The following KAZALD1 variants were observed in gnomAD, a reference collection of about 807,000 sequenced individuals.
KAZALD1 encodes the protein kazal-type serine protease inhibitor domain-containing protein 1.
Under a neutral mutation model 27.7 loss-of-function variants are expected in KAZALD1, and 31 were observed. The ratio of observed to expected loss-of-function variants is 1.12; its 90% confidence interval spans 0.84 to 1.51. The LOEUF (loss-of-function observed/expected upper bound fraction) is 1.51. Among genes scored for constraint, KAZALD1 ranks in the 40% most tolerant of loss-of-function variants. The pLI is 0.00. For missense variants in KAZALD1, 444 were observed against 408.9 expected (o/e 1.09, Z -0.74); for synonymous variants, 179 against 182.0 (o/e 0.98, Z 0.13).
chr10:101,062,080 C>T lies in KAZALD1; in HGVS notation c.-87C>T, dbSNP rs1939168619. ...ATAACCTTTTCTTTCGGACTCGAATCACGGCTGCTGCGAAGGGTCTAGTTC... is the reference window on the plus strand; with the variant it reads ...ATAACCTTTTCTTTCGGACTCGAATTACGGCTGCTGCGAAGGGTCTAGTTC... On this transcript the variant is annotated 5_prime_UTR_variant, in exon 1 of 5. Coordinates refer to ENST00000370200, the MANE Select transcript of KAZALD1 (RefSeq NM_030929.5). 1 of 157,018 alleles carries T rather than the reference C, an allele frequency of 6.4e-6. No homozygotes were observed. The highest frequency in any genetic ancestry group is 6.5e-5 in the Admixed American group (1 of 15,424). 9.7% of individuals were successfully genotyped at this position (157,018 alleles called of 1,614,324 possible).
At position 101,065,620 on chromosome 10, in the gene KAZALD1, CTG is replaced by C. The variant is rs1430056318; in HGVS notation, c.*701_*702del. 1 of 152,376 alleles carries C rather than the reference CTG, an allele frequency of 6.6e-6. No homozygotes were observed. The highest frequency in any genetic ancestry group is 1.5e-5 in the Non-Finnish European group (1 of 68,206). The allele number at this position is 152,376 out of a possible 1,614,324, so 9.4% of individuals were successfully genotyped here. ...GTTTATGCAGATGTGCACATGAAAA[CTG>C]AATATCCCTGGGAGGCCTCCCACAC... On this transcript the variant is annotated 3_prime_UTR_variant, in exon 5 of 5. Coordinates refer to ENST00000370200, the MANE Select transcript of KAZALD1 (RefSeq NM_030929.5).
chr10:101,064,536 C>T lies in KAZALD1; in HGVS notation c.708C>T (p.Gly236=). The T allele has an allele frequency of 6.2e-7, 1 of 1,614,188 alleles. No individual in the cohort carries two copies. The highest frequency in any genetic ancestry group is 8.5e-7 in the Non-Finnish European group (1 of 1,180,032). The change falls in exon 4 of 5, where the codon GGC becomes GGT. Residue 236 remains glycine (G), a synonymous_variant. Transcript: ENST00000370200. ...GACCCCAGAGGTTTGAGGTGACTGG[C>T]TGGCTGCAGATCCAGGCTGTGCGTC... ...RGGPQRFEVT[G]WLQIQAVRPS...
chr10:101,063,675 C>T (rs187789242), intron 2 of KAZALD1, among the ~76,000 whole-genome samples: 89 of 152,352 alleles, frequency 5.8e-4, no homozygotes, highest in Non-Finnish European at 1.0e-3. Context: ...CCGGGCTCTG[C>T]GTCTGGCTCG....
Position 101,062,566 on chromosome 10 carries a change from G to T in KAZALD1, c.-27G>T, listed in dbSNP as rs764587510. On this transcript the variant is annotated 5_prime_UTR_variant, in exon 2 of 5. Transcript: ENST00000370200. Reference sequence around the variant, plus strand: ...GGGTGCCCGAACGCGCTGATGCCCCGAGTGCTCGCAGGGCTTCCCGCTAAC... The same window carrying T: ...GGGTGCCCGAACGCGCTGATGCCCCTAGTGCTCGCAGGGCTTCCCGCTAAC... The T allele has an allele frequency of 1.3e-6, 2 of 1,576,524 alleles. No homozygotes were observed. Among genetic ancestry groups the T allele is most frequent in the South Asian group, 1.1e-5 (1 of 88,746 alleles).
chr10:101,067,052 A>C lies in KAZALD1; in HGVS notation c.*2132A>C. 2.9e-6 allele frequency: 1 copy of C among 340,976 alleles called. No homozygotes were observed. The highest frequency in any genetic ancestry group is 5.8e-6 in the Non-Finnish European group (1 of 171,184). The allele number at this position is 340,976 out of a possible 1,614,324, so 21.1% of individuals were successfully genotyped here. A position where few individuals can be genotyped will look rare whatever the true frequency, so the allele number is the denominator to read the frequency against. Reference sequence around the variant, plus strand: ...GGAAAGGTTTAATAAACGTGCTGAGATGCCGAGGATTATTCACCGCAAATA... The same window carrying C: ...GGAAAGGTTTAATAAACGTGCTGAGCTGCCGAGGATTATTCACCGCAAATA... On this transcript the variant is annotated 3_prime_UTR_variant, in exon 5 of 5. Coordinates refer to ENST00000370200, the MANE Select transcript of KAZALD1 (RefSeq NM_030929.5).
At chr10:101,067,451 G>A (rs1939353268), downstream of KAZALD1, 3 of 380,586 alleles carry the variant, frequency 7.9e-6, no homozygotes, top group South Asian at 1.9e-5. Flanking sequence ...AGGGTCCGTC[G>A]GACCAGCTCC....
rs1041945389 is a variant in KAZALD1, at chr10:101,066,213, C to T, written c.*1293C>T. ...GTGTGTAGATGGCGACAGCCTCCTA[C>T]ACGCCAGGGCTCCACCCGGATCCTG... On this transcript the variant is annotated 3_prime_UTR_variant, in exon 5 of 5. Transcript: ENST00000370200. 5.9e-6 allele frequency: 2 copies of T among 337,088 alleles called. No homozygotes were observed. Among genetic ancestry groups the T allele is most frequent in the Admixed American group, 3.9e-5 (1 of 25,356 alleles). The allele number at this position is 337,088 out of a possible 1,614,324, so 20.9% of individuals were successfully genotyped here. A position where few individuals can be genotyped will look rare whatever the true frequency, so the allele number is the denominator to read the frequency against.
Position 101,064,253 on chromosome 10 carries a change from A to G in KAZALD1, c.512-8A>G, listed in dbSNP as rs769247812. 8 of 1,613,770 alleles carry G rather than the reference A, an allele frequency of 5.0e-6. No homozygotes were observed. The highest frequency in any genetic ancestry group is 6.8e-6 in the Non-Finnish European group (8 of 1,179,878). On this transcript the variant is annotated splice_region_variant and splice_polypyrimidine_tract_variant and intron_variant, in intron 2 of 4. Coordinates refer to ENST00000370200, the MANE Select transcript of KAZALD1 (RefSeq NM_030929.5). The stretch of plus-strand genomic sequence containing the variant: ...TGCTATTCTCAGACCTCCCGCCTTC[A>G]CCCCCAGGGCCCCAGATCGTGTCAC...
At position 101,065,142 on chromosome 10, in the gene KAZALD1, G is replaced by A; in HGVS notation, c.*222G>A. On this transcript the variant is annotated 3_prime_UTR_variant, in exon 5 of 5. Transcript: ENST00000370200. Reference sequence around the variant, plus strand: ...AGAAGCTGAGACCAGGACCGGTGGGGTACAAAGGGGCCCATGCAGGAGATG... The same window carrying A: ...AGAAGCTGAGACCAGGACCGGTGGGATACAAAGGGGCCCATGCAGGAGATG... 1.8e-6 allele frequency: 1 copy of A among 541,666 alleles called. No individual in the cohort carries two copies. The highest frequency in any genetic ancestry group is 3.2e-5 in the East Asian group (1 of 31,552). The allele number at this position is 541,666 out of a possible 1,614,324, so 33.6% of individuals were successfully genotyped here. A position where few individuals can be genotyped will look rare whatever the true frequency, so the allele number is the denominator to read the frequency against.
In KAZALD1 at chr10:101,062,694, A is replaced by G; in HGVS notation, c.102A>G (p.Pro34=). The change falls in exon 2 of 5, where the codon CCA becomes CCG. Residue 34 remains proline (P), a synonymous_variant. Transcript: ENST00000370200. The part of the protein sequence containing the change: ...TPPPTGARPS[P]GPDYLRRGWM... ...CCCCGACCGGCGCAAGGCCATCCCC[A>G]GGCCCAGATTACCTGCGGCGCGGCT... The G allele has an allele frequency of 6.5e-7, 1 of 1,537,394 alleles. No homozygotes were observed. The highest frequency in any genetic ancestry group is 8.7e-7 in the Non-Finnish European group (1 of 1,150,096).
Position 101,063,115 on chromosome 10 carries a change from C to T in KAZALD1, c.511+12C>T, listed in dbSNP as rs1402670523. 1 of 1,524,308 alleles carries T rather than the reference C, an allele frequency of 6.6e-7. No individual in the cohort carries two copies. The highest frequency in any genetic ancestry group is 8.8e-7 in the Non-Finnish European group (1 of 1,139,248). The allele number at this position is 1,524,308 out of a possible 1,614,324, so 94.4% of individuals were successfully genotyped here. A position where few individuals can be genotyped will look rare whatever the true frequency, so the allele number is the denominator to read the frequency against. On this transcript the variant is annotated intron_variant, in intron 2 of 4. Transcript: ENST00000370200. The stretch of plus-strand genomic sequence containing the variant: ...GCCCTGCGAATCGGGTACGCATGGC[C>T]CGGGGCCCCCACCCCAGCACTTAGG...
chr10:101,067,855 G>T (rs1201377132), downstream of KAZALD1: 1 of 466,602 alleles, frequency 2.1e-6, no homozygotes, highest in Non-Finnish European at 4.5e-6. Flanking sequence ...GGCCAAGACT[G>T]CAGACCTTGG....
rs1329805519 is a variant in KAZALD1, at chr10:101,064,394, A to G, written c.645A>G (p.Pro215=). 3 of 1,614,070 alleles carry G rather than the reference A, an allele frequency of 1.9e-6. No homozygotes were observed. Among genetic ancestry groups the G allele is most frequent in the African/African-American group, 1.3e-5 (1 of 74,934 alleles). Residue 215 remains proline (P), a synonymous_variant, in exon 3 of 5, where the codon CCA becomes CCG. Coordinates refer to ENST00000370200, the MANE Select transcript of KAZALD1 (RefSeq NM_030929.5). The part of the protein sequence containing the change: ...WRKDGLDIQL[P]GDDPHISVQF... ...AGGATGGCTTGGACATCCAGCTGCC[A>G]GGGGATGACCCCCACATCTCTGTGC...
Position 101,063,092 on chromosome 10 carries a change from CCTGCG to C in KAZALD1, c.501_505del (p.Cys168IlefsTer11). ...AACCTCACTGTGGCACACCCGGGGC[CCTGCG>C]AATCGGGTACGCATGGCCCGGGGCC... is the stretch of plus-strand genomic sequence containing the variant. On this transcript the variant is annotated frameshift_variant, in exon 2 of 5. Coordinates refer to ENST00000370200, the MANE Select transcript of KAZALD1 (RefSeq NM_030929.5). LOFTEE classifies it high-confidence loss of function. 1.3e-6 allele frequency: 2 copies of C among 1,552,466 alleles called. No individual in the cohort carries two copies. The highest frequency in any genetic ancestry group is 1.7e-6 in the Non-Finnish European group (2 of 1,151,680).
Position 101,066,758 on chromosome 10 carries a change from C to G in KAZALD1, c.*1838C>G. ...GAGGCTCCTCACCAAAAGCCCCACC[C>G]CACCGGAGAGGGTCACGCAGGTCCC... is the stretch of plus-strand genomic sequence containing the variant. On this transcript the variant is annotated 3_prime_UTR_variant, in exon 5 of 5. Coordinates refer to ENST00000370200, the MANE Select transcript of KAZALD1 (RefSeq NM_030929.5). 2.9e-6 allele frequency: 1 copy of G among 343,746 alleles called. No individual in the cohort carries two copies. The highest frequency in any genetic ancestry group is 5.7e-6 in the Non-Finnish European group (1 of 174,104). The allele number at this position is 343,746 out of a possible 1,614,324, so 21.3% of individuals were successfully genotyped here.
intron 4 of KAZALD1, 41 bp from the exon 5 acceptor site, chr10:101,064,785 C>T (rs1939275069): frequency 6.2e-7 from 1 of 1,604,930 alleles, no homozygotes; most frequent in Admixed American, 1.7e-5. Context: ...CCGACAGCCC[C>T]TCTCTCCTGT....
chr10:101,066,696 C>G lies in KAZALD1; in HGVS notation c.*1776C>G, dbSNP rs1939332456. Reference sequence around the variant, plus strand: ...CAGCTGGGCTCCAAGACGCCCTCTGCGGGCCCATAGCTCCTACCGCGTCCA... The same window carrying G: ...CAGCTGGGCTCCAAGACGCCCTCTGGGGGCCCATAGCTCCTACCGCGTCCA... On this transcript the variant is annotated 3_prime_UTR_variant, in exon 5 of 5. Coordinates refer to ENST00000370200, the MANE Select transcript of KAZALD1 (RefSeq NM_030929.5). 8.4e-6 allele frequency: 3 copies of G among 357,892 alleles called. No homozygotes were observed. Among genetic ancestry groups the G allele is most frequent in the African/African-American group, 4.3e-5 (2 of 46,922 alleles). The allele number at this position is 357,892 out of a possible 1,614,324, so 22.2% of individuals were successfully genotyped here.
At position 101,062,800 on chromosome 10, in the gene KAZALD1, G is replaced by A. The variant is rs777191994; in HGVS notation, c.208G>A (p.Gly70Ser). Residue 70 changes from glycine (G) to serine (S), a missense_variant, in exon 2 of 5, where the codon GGC becomes AGC. By Grantham distance (56) the Gly-to-Ser change is moderately conservative. Transcript: ENST00000370200. ...ECAAPRGCLA[G>S]RVRDACGCCW... ...CGCCGCGCCGCGGGGCTGCCTGGCG[G>A]GCAGGGTGCGCGACGCGTGCGGCTG... is the stretch of plus-strand genomic sequence containing the variant. The A allele has an allele frequency of 1.1e-5, 18 of 1,576,044 alleles. 1 individual carries two copies. The highest frequency in any genetic ancestry group is 5.7e-5 in the South Asian group (5 of 88,132).
At chr10:101,067,997 C>CCA, downstream of KAZALD1, 1 of 463,222 alleles carries the variant, frequency 2.2e-6, no homozygotes, top group Non-Finnish European at 4.4e-6. Flanking sequence ...ACATCTCTGG[C>CCA]AAGTTGGGAG....
Sources: allele counts gnomAD v4.1 joint callset (sites outside exome capture counted in the v4.1 genomes callset), GRCh38; gene constraint gnomAD v4.1.1; transcripts MANE v1.5; gene names NCBI Gene and HGNC (gene_info 2026-07-23, HGNC 2026-07-21).